Variants in LRMDA observed in about 807,000 individuals in gnomAD.
LRMDA encodes leucine rich melanocyte differentiation associated, also known as leucine-rich melanocyte differentiation-associated protein.
LRMDA carries 18 observed loss-of-function variants against 29.8 expected under a neutral mutation model. That is an observed-to-expected ratio of 0.60 (90% CI 0.42 to 0.90). The LOEUF is 0.90. Among genes scored for constraint, LRMDA ranks in the 40% least tolerant of loss-of-function variants. The pLI is 0.00. For synonymous variants in LRMDA, 125 were observed against 109.4 expected, an observed-to-expected ratio of 1.14 and a Z score of -0.89; for missense variants, 273 against 273.9, an observed-to-expected ratio of 1.00 and a Z score of 0.02.
At chr10:75,783,485 C>CAAAA (rs55852739) in intron 2 of LRMDA, among the ~76,000 whole-genome samples, 12 of 70,520 alleles carry the variant, frequency 1.7e-4, no homozygotes, top group African/African-American at 5.5e-4. Context: ...TGCTCAGAGG[C>CAAAA]AAAAAAAAAA....
intron 2 of LRMDA, among the ~76,000 whole-genome samples, chr10:75,549,797 C>G (rs1475611307): frequency 6.6e-6 from 1 of 152,130 alleles, no homozygotes; most frequent in Non-Finnish European, 1.5e-5. Flanking sequence ...TTTTCAATCT[C>G]CTTTCTCCTT....
chr10:75,906,097 C>G (rs1032346140), intron 2 of LRMDA, among the ~76,000 whole-genome samples: 1 of 151,530 alleles, frequency 6.6e-6, no homozygotes, highest in African/African-American at 2.4e-5. Flanking sequence ...AAGACTCTCC[C>G]CTGCCTCTGT....
intron 5 of LRMDA, among the ~76,000 whole-genome samples, chr10:76,150,915 G>A (rs531410339): frequency 1.5e-4 from 23 of 152,210 alleles, no homozygotes; most frequent in African/African-American, 4.8e-4. Flanking sequence ...GAGAGCTTGC[G>A]GCCAAGCAAC....
At chr10:76,066,038 T>A (rs1460138745) in intron 5 of LRMDA, among the ~76,000 whole-genome samples, 1 of 152,210 alleles carries the variant, frequency 6.6e-6, no homozygotes, top group Non-Finnish European at 1.5e-5. Flanking sequence ...AATAAGCCAC[T>A]AAGATTTTGA....
At chr10:76,209,938 G>A (rs1352261157) in intron 5 of LRMDA, among the ~76,000 whole-genome samples, 4 of 152,116 alleles carry the variant, frequency 2.6e-5, no homozygotes, top group Non-Finnish European at 5.9e-5. Context: ...CCATGCTAAT[G>A]GGATAATTTG....
chr10:75,932,941 C>A (rs1846229694), intron 2 of LRMDA, among the ~76,000 whole-genome samples: 1 of 152,108 alleles, frequency 6.6e-6, no homozygotes, highest in Non-Finnish European at 1.5e-5. Flanking sequence ...TTTTGTAAAC[C>A]ATTAAATTAC....
chr10:75,849,896 G>C (rs533583662), intron 2 of LRMDA, among the ~76,000 whole-genome samples: 232 of 152,300 alleles, frequency 1.5e-3, no homozygotes, highest in Non-Finnish European at 1.9e-3. Context: ...TTGTCTGCTG[G>C]GTCTGTAGCC....
chr10:75,637,728 G>A (rs796672674), intron 2 of LRMDA, among the ~76,000 whole-genome samples: 18 of 152,318 alleles, frequency 1.2e-4, no homozygotes, highest in African/African-American at 3.8e-4. Context: ...GGGAGTGTCT[G>A]TCACACGTTG....
intron 2 of LRMDA, among the ~76,000 whole-genome samples, chr10:75,562,382 T>G (rs1840309904): frequency 6.6e-6 from 1 of 152,058 alleles, no homozygotes; most frequent in Admixed American, 6.6e-5. Context: ...TCCATTTGCT[T>G]GGTAGATCTT....
chr10:76,085,808 T>A (rs993338426), intron 5 of LRMDA, among the ~76,000 whole-genome samples: 4 of 152,188 alleles, frequency 2.6e-5, no homozygotes, highest in African/African-American at 9.7e-5. Context: ...TTTCTAGTGA[T>A]CCTGGCTTCC....
At chr10:76,371,998 G>T (rs1335229473) in intron 6 of LRMDA, among the ~76,000 whole-genome samples, 1 of 152,142 alleles carries the variant, frequency 6.6e-6, no homozygotes, top group African/African-American at 2.4e-5. Flanking sequence ...GCTTTGTCTT[G>T]TACTTGGCAC....
At chr10:75,985,429 C>A (rs1455837619) in intron 2 of LRMDA, among the ~76,000 whole-genome samples, 1 of 152,214 alleles carries the variant, frequency 6.6e-6, no homozygotes, top group Non-Finnish European at 1.5e-5. Flanking sequence ...CCATCTCTCT[C>A]CTGCCACCTC....
At chr10:75,917,528 G>A (rs1034598014) in intron 2 of LRMDA, among the ~76,000 whole-genome samples, 2 of 152,220 alleles carry the variant, frequency 1.3e-5, no homozygotes, top group Non-Finnish European at 2.9e-5. Flanking sequence ...GTATAAGAGG[G>A]ATGTTAGTGT....
chr10:75,486,832 C>G (rs1844921078), intron 2 of LRMDA, among the ~76,000 whole-genome samples: 1 of 152,206 alleles, frequency 6.6e-6, no homozygotes, highest in Admixed American at 6.5e-5. Context: ...TCCCAGCCAT[C>G]TCATCAGACT....
rs144458728 is a variant in LRMDA at position 75,711,893 on chromosome 10, G to C, written c.131+273399G>C. Among the ~76,000 whole-genome samples the C allele has an allele frequency of 1.4e-3, 205 of 151,670 alleles. 3 individuals carry two copies. Among genetic ancestry groups the C allele is most frequent in the East Asian group, 0.013 (65 of 5,158 alleles). ...ATGATCATGTAGTATGTTTCTCCCAGCCTATCTGTTTGATTTTGAAGGTAA... is the reference window on the plus strand; with the variant it reads ...ATGATCATGTAGTATGTTTCTCCCACCCTATCTGTTTGATTTTGAAGGTAA... On this transcript the variant is annotated intron_variant, in intron 2 of 6. Coordinates refer to ENST00000611255, the MANE Select transcript of LRMDA (RefSeq NM_001305581.2).
At chr10:76,525,983 C>A (rs1843170649) in intron 6 of LRMDA, among the ~76,000 whole-genome samples, 1 of 152,180 alleles carries the variant, frequency 6.6e-6, no homozygotes, top group South Asian at 2.1e-4. Flanking sequence ...AGCTCCCCAA[C>A]TGGCTGATAA....
At chr10:75,836,079 TA>T (rs1363459316) in intron 2 of LRMDA, among the ~76,000 whole-genome samples, 1 of 152,038 alleles carries the variant, frequency 6.6e-6, no homozygotes, top group Non-Finnish European at 1.5e-5. Flanking sequence ...CAGGGCGACT[TA>T]AATGGTAAAA....
intron 6 of LRMDA, among the ~76,000 whole-genome samples, chr10:76,532,084 T>C (rs568178998): frequency 6.6e-6 from 1 of 152,274 alleles, no homozygotes; most frequent in South Asian, 2.1e-4. Context: ...CATGGAGGTT[T>C]GTTACATAGG....
chr10:76,068,475 G>A (rs2132065665), intron 5 of LRMDA, among the ~76,000 whole-genome samples: 1 of 152,282 alleles, frequency 6.6e-6, no homozygotes, highest in East Asian at 1.9e-4. Context: ...CAGATCATCA[G>A]GCATTAGATT....
Sources: allele counts gnomAD v4.1 joint callset (sites outside exome capture counted in the v4.1 genomes callset), GRCh38; gene constraint gnomAD v4.1.1; transcripts MANE v1.5; gene names NCBI Gene and HGNC (gene_info 2026-07-23, HGNC 2026-07-21).